MAP4K4: variants seen among roughly 807,000 people sequenced by gnomAD.
MAP4K4 encodes the protein mitogen-activated protein kinase kinase kinase kinase 4.
A neutral mutation model predicts 189.6 loss-of-function variants in MAP4K4; 38 were observed. That is an observed-to-expected ratio of 0.20 (90% CI 0.15 to 0.26). The LOEUF is 0.26. Ranked by LOEUF, MAP4K4 falls within the 10% of genes least tolerant of loss-of-function variation. The pLI is 1.00. For missense variants in MAP4K4, 1,054 were observed against 1,726.9 expected, an observed-to-expected ratio of 0.61 and a Z score of 6.91; for synonymous variants, 610 against 624.3, an observed-to-expected ratio of 0.98 and a Z score of 0.34.
chr2:101,725,686 A>G (rs1444867344), intron 2 of MAP4K4, among the ~76,000 whole-genome samples: 2 of 152,176 alleles, frequency 1.3e-5, no homozygotes, highest in Non-Finnish European at 2.9e-5. Flanking sequence ...GAAGCTAGAC[A>G]TTCTCTCACA....
intron 6 of MAP4K4, among the ~76,000 whole-genome samples, chr2:101,831,177 T>C (rs570176388): frequency 6.6e-6 from 1 of 152,340 alleles, no homozygotes; most frequent in Non-Finnish European, 1.5e-5. Flanking sequence ...GATGCAGAAG[T>C]CACTGAAAAA....
intron 3 of MAP4K4, among the ~76,000 whole-genome samples, chr2:101,803,270 T>C (rs968907797): frequency 6.8e-6 from 1 of 147,634 alleles, no homozygotes; most frequent in East Asian, 1.9e-4. Context: ...TGTGTATGTA[T>C]GTGTGTGTGT....
intron 9 of MAP4K4, among the ~76,000 whole-genome samples, chr2:101,838,730 G>A (rs1353361317): frequency 2.0e-5 from 3 of 152,140 alleles, no homozygotes; most frequent in Non-Finnish European, 4.4e-5. Context: ...TAGTTGATAC[G>A]TAAATATTTG....
At chr2:101,871,726 A>C (rs2098031161) in intron 24 of MAP4K4, 41 bp downstream of exon 24, 11 of 1,517,750 alleles carry the variant, frequency 7.2e-6, no homozygotes, top group Non-Finnish European at 9.7e-6. Flanking sequence ...CTGGGGTTAG[A>C]CCAGCACTGC....
intron 22 of MAP4K4, chr2:101,870,063 A>G (rs553857933): frequency 8.0e-6 from 5 of 625,348 alleles, no homozygotes; most frequent in African/African-American, 3.7e-5. Flanking sequence ...TCAGTTTGGT[A>G]TAACTACTTT....
chr2:101,710,097 G>C (rs2044576936), intron 2 of MAP4K4, among the ~76,000 whole-genome samples: 2 of 152,124 alleles, frequency 1.3e-5, no homozygotes, highest in Non-Finnish European at 2.9e-5. Flanking sequence ...AATTTTGAGA[G>C]GTATGTCAAA....
In MAP4K4 at chr2:101,790,644, A is replaced by C. The variant is rs900381863; in HGVS notation, c.124-76A>C. On this transcript the variant is annotated intron_variant, in intron 2 of 32. Coordinates refer to ENST00000324219, the Ensembl canonical transcript of MAP4K4. ...TATAGTTGAGATACGATTTGTTGGA[A>C]ACTTCAGCCATTTTGTTCTAATGAT... is the stretch of plus-strand genomic sequence containing the variant. 3.9e-6 allele frequency: 4 copies of C among 1,021,936 alleles called. No homozygotes were observed. In the African/African-American group the frequency reaches 6.3e-5, roughly 16 times the overall value. The allele number at this position is 1,021,936 out of a possible 1,614,324, so 63.3% of individuals were successfully genotyped here. A position where few individuals can be genotyped will look rare whatever the true frequency, so the allele number is the denominator to read the frequency against.
chr2:101,857,650 G>T (rs533996483), intron 13 of MAP4K4, among the ~76,000 whole-genome samples: 1 of 152,188 alleles, frequency 6.6e-6, no homozygotes. Flanking sequence ...CACAAGAGAC[G>T]TAGATCCCAG....
intron 12 of MAP4K4, among the ~76,000 whole-genome samples, chr2:101,845,181 AT>A (rs1357090987): frequency 1.4e-5 from 2 of 140,468 alleles, no homozygotes; most frequent in South Asian, 2.2e-4. Context: ...CAAAAAAAAA[AT>A]AAAAATAAAA....
intron 2 of MAP4K4, among the ~76,000 whole-genome samples, chr2:101,761,867 G>A (rs370945075): frequency 1.3e-5 from 2 of 152,234 alleles, no homozygotes; most frequent in South Asian, 2.1e-4. Context: ...GAGTATGGGA[G>A]CATTTTAATC....
intron 3 of MAP4K4, among the ~76,000 whole-genome samples, chr2:101,801,348 G>A (rs1235859930): frequency 6.6e-6 from 1 of 152,162 alleles, no homozygotes; most frequent in East Asian, 1.9e-4. Flanking sequence ...GCATGTAGAA[G>A]GAAGTCTGAA....
chr2:101,715,876 A>G (rs1434932572), intron 2 of MAP4K4, among the ~76,000 whole-genome samples: 3 of 152,142 alleles, frequency 2.0e-5, no homozygotes, highest in Non-Finnish European at 4.4e-5. Flanking sequence ...CATTGGTTGC[A>G]TTACTGCCTG....
intron 2 of MAP4K4, among the ~76,000 whole-genome samples, chr2:101,733,009 C>G (rs1225159729): frequency 1.3e-5 from 2 of 152,252 alleles, no homozygotes; most frequent in Non-Finnish European, 2.9e-5. Flanking sequence ...CTGTGTCACT[C>G]GGCATCTCTG....
At position 101,798,978 on chromosome 2, in the gene MAP4K4, T is replaced by G. The variant is rs2094099848; in HGVS notation, c.180+8202T>G. 2.0e-5 allele frequency among the ~76,000 whole-genome samples: 3 copies of G among 152,214 alleles called. No homozygotes were observed. In the South Asian group the frequency reaches 6.2e-4, roughly 32 times the overall value. On this transcript the variant is annotated intron_variant, in intron 3 of 32. Transcript: ENST00000324219. Reference sequence around the variant, plus strand: ...TAGGAAAGAAAATTATTGGAGTGGTTAGGAGTGAGTACATTTCTGGGTTTC... The same window carrying G: ...TAGGAAAGAAAATTATTGGAGTGGTGAGGAGTGAGTACATTTCTGGGTTTC...
intron 16 of MAP4K4, 88 bp downstream of exon 16, chr2:101,861,074 T>A: frequency 8.1e-7 from 1 of 1,239,482 alleles, no homozygotes; most frequent in African/African-American, 1.5e-5. Context: ...CAGTTTAGTT[T>A]GTCACCACAC....
At chr2:101,879,520 C>T (rs2098322747) in intron 27 of MAP4K4, among the ~76,000 whole-genome samples, 2 of 152,054 alleles carry the variant, frequency 1.3e-5, no homozygotes, top group African/African-American at 2.4e-5. Flanking sequence ...CTTCTCTTAA[C>T]ATATATTGAA....
At chr2:101,850,276 C>G (rs1040994481) in intron 12 of MAP4K4, among the ~76,000 whole-genome samples, 5 of 151,780 alleles carry the variant, frequency 3.3e-5, no homozygotes, top group Admixed American at 1.3e-4. Context: ...ACATTGAAAA[C>G]AAAGGGAAGC....
At chr2:101,864,403 A>T (rs1310444509) in intron 17 of MAP4K4, among the ~76,000 whole-genome samples, 1 of 152,254 alleles carries the variant, frequency 6.6e-6, no homozygotes, top group African/African-American at 2.4e-5. Flanking sequence ...AATTTTTAGA[A>T]AAAGTCCTAT....
chr2:101,838,120 G>C (rs1460556120), intron 9 of MAP4K4, among the ~76,000 whole-genome samples: 1 of 152,176 alleles, frequency 6.6e-6, no homozygotes, highest in African/African-American at 2.4e-5. Flanking sequence ...CTTGATTCTT[G>C]ACTTTAGGAA....
Sources: allele counts gnomAD v4.1 joint callset (sites outside exome capture counted in the v4.1 genomes callset), GRCh38; gene constraint gnomAD v4.1.1; transcripts MANE v1.5; gene names NCBI Gene and HGNC (gene_info 2026-07-23, HGNC 2026-07-21).